Variants in FAM53B observed in about 807,000 individuals in gnomAD.
The protein encoded by FAM53B is protein FAM53B.
In FAM53B, 12 loss-of-function variants were observed where a neutral mutation model predicts 32.7. The ratio of observed to expected loss-of-function variants is 0.37; its 90% CI spans 0.24 to 0.59. FAM53B has a LOEUF of 0.59. Among genes scored for constraint, FAM53B ranks in the 20% least tolerant of loss-of-function variants. The probability of loss-of-function intolerance (pLI) is 0.72; values close to 1 mark genes in which losing one functional copy is unlikely to be tolerated. For synonymous variants in FAM53B, 234 were observed against 228.7 expected (o/e 1.02, Z -0.21); for missense variants, 477 against 577.7 (o/e 0.83, Z 1.79).
intron 1 of FAM53B, among the ~76,000 whole-genome samples, chr10:124,715,507 C>T (rs1294623789): frequency 2.0e-5 from 3 of 152,214 alleles, no homozygotes; most frequent in African/African-American, 7.2e-5. Flanking sequence ...ATGCCTCCCC[C>T]ACTGCCACCC....
intron 4 of FAM53B, among the ~76,000 whole-genome samples, chr10:124,637,110 CA>C (rs964740679): frequency 2.1e-4 from 32 of 152,248 alleles, no homozygotes; most frequent in African/African-American, 7.7e-4. Flanking sequence ...CCCTTTCTGA[CA>C]AAATGCTCCC....
chr10:124,623,821 T>C, intron 4 of FAM53B: 1 of 534,672 alleles, frequency 1.9e-6, no homozygotes, highest in South Asian at 2.5e-5. Context: ...CACGCGCAAT[T>C]CCACTATTCA....
chr10:124,674,432 G>C (rs1390896874), intron 4 of FAM53B, among the ~76,000 whole-genome samples: 1 of 152,170 alleles, frequency 6.6e-6, no homozygotes, highest in African/African-American at 2.4e-5. Context: ...AGTGAGAGAG[G>C]GTGTCGCCAC....
At chr10:124,623,814 G>A (rs948520877) in intron 4 of FAM53B, 12 of 546,484 alleles carry the variant, frequency 2.2e-5, no homozygotes, top group African/African-American at 1.4e-4. Context: ...ATAAAGACAC[G>A]CGCAATTCCA....
intron 4 of FAM53B, among the ~76,000 whole-genome samples, chr10:124,679,239 A>T (rs1589748209): frequency 6.6e-6 from 1 of 151,852 alleles, no homozygotes; most frequent in Non-Finnish European, 1.5e-5. Context: ...TGCAGAGCAG[A>T]CCCCAACCCC....
intron 1 of FAM53B, among the ~76,000 whole-genome samples, chr10:124,721,316 C>A (rs1008054635): frequency 6.6e-6 from 1 of 152,246 alleles, no homozygotes. Context: ...GACTCTTACT[C>A]GCTTCAATTA....
chr10:124,687,864 C>T (rs905133595), intron 3 of FAM53B, among the ~76,000 whole-genome samples: 18 of 152,174 alleles, frequency 1.2e-4, no homozygotes, highest in Admixed American at 2.6e-4. Context: ...AACATCTGTC[C>T]GAATGGCGGC....
In FAM53B at chr10:124,682,271, C is replaced by T. The variant is rs140662280; in HGVS notation, c.242G>A (p.Arg81Gln). ...CACAGCGCAGGCGGTCACTGCCTCC[C>T]GGTGCCATAGTGAGCTGTCCTTTTC... ...LPEKDSSLWHREAVTACAVTS... is the reference protein window; with the variant it reads ...LPEKDSSLWHQEAVTACAVTS... Residue 81 changes from arginine to glutamine, a missense_variant, in exon 4 of 5, where the codon CGG (arginine) becomes CAG (glutamine). By Grantham distance (43) the Arg-to-Gln change is conservative (BLOSUM62 1). Transcript: ENST00000337318. This position sits in a 1 kb window ranked among gnomAD's most constrained non-coding sequence, Gnocchi z 5.2. The T allele has an allele frequency of 2.4e-5, 39 of 1,613,874 alleles. No homozygotes were observed. The highest frequency in any genetic ancestry group is 8.0e-5 in the African/African-American group (6 of 74,912).
At chr10:124,666,921 A>G (rs1029349570) in intron 4 of FAM53B, among the ~76,000 whole-genome samples, 1 of 152,218 alleles carries the variant, frequency 6.6e-6, no homozygotes, top group African/African-American at 2.4e-5. Context: ...CAGAGCACCT[A>G]GCACCTCAGG....
intron 1 of FAM53B, among the ~76,000 whole-genome samples, chr10:124,729,869 C>G (rs1219492622): frequency 1.3e-5 from 2 of 152,222 alleles, no homozygotes; most frequent in Non-Finnish European, 2.9e-5. Context: ...TCTACGCCCT[C>G]CATATTTGCC....
At chr10:124,735,763 C>G (rs1367624357) in intron 1 of FAM53B, among the ~76,000 whole-genome samples, 8 of 136,798 alleles carry the variant, frequency 5.8e-5, no homozygotes, top group Admixed American at 5.8e-4. Flanking sequence ...TCACTCAGGG[C>G]CCCGAACCTA....
At chr10:124,680,364 A>G (rs1203736230) in intron 4 of FAM53B, among the ~76,000 whole-genome samples, 2 of 152,220 alleles carry the variant, frequency 1.3e-5, no homozygotes, top group Non-Finnish European at 2.9e-5. Context: ...GTGGCCAGAA[A>G]GTTTGGACTC....
At chr10:124,661,629 C>T (rs534522328) in intron 4 of FAM53B, among the ~76,000 whole-genome samples, 3 of 152,312 alleles carry the variant, frequency 2.0e-5, no homozygotes, top group Admixed American at 6.5e-5. Context: ...GGGAAGGGAC[C>T]TTTTACTGTC....
At chr10:124,715,360 A>G (rs563345804) in intron 1 of FAM53B, among the ~76,000 whole-genome samples, 36 of 152,272 alleles carry the variant, frequency 2.4e-4, no homozygotes, top group African/African-American at 7.9e-4. Flanking sequence ...ATGGTGGGTA[A>G]CCTGCAGAGG....
chr10:124,690,027 G>A (rs1949824066), intron 3 of FAM53B, among the ~76,000 whole-genome samples: 1 of 152,220 alleles, frequency 6.6e-6, no homozygotes, highest in Admixed American at 6.5e-5. Flanking sequence ...ATCTCCTCTG[G>A]ATTTCCATCC....
intron 4 of FAM53B, among the ~76,000 whole-genome samples, chr10:124,626,906 C>G (rs1433796074): frequency 6.6e-6 from 1 of 152,228 alleles, no homozygotes; most frequent in Admixed American, 6.5e-5. Flanking sequence ...TCAGGGTGTT[C>G]AGGGCTATCT....
intron 4 of FAM53B, among the ~76,000 whole-genome samples, chr10:124,663,114 C>T (rs1949645149): frequency 6.6e-6 from 1 of 152,116 alleles, no homozygotes; most frequent in South Asian, 2.1e-4. Context: ...GAGTGTGGAC[C>T]CCAGAAGACC....
intron 1 of FAM53B, among the ~76,000 whole-genome samples, chr10:124,717,010 T>C (rs1354453860): frequency 6.6e-6 from 1 of 151,660 alleles, no homozygotes; most frequent in Non-Finnish European, 1.5e-5. Context: ...ACTCAAACCA[T>C]GACTAAAAAC....
intron 1 of FAM53B, among the ~76,000 whole-genome samples, chr10:124,726,366 T>C (rs976472564): frequency 6.6e-6 from 1 of 152,062 alleles, no homozygotes; most frequent in Non-Finnish European, 1.5e-5. Context: ...GCTCCAACAG[T>C]CCCTAGAATG....
Sources: gnomAD v4.1 joint callset for allele counts (sites outside exome capture counted in the v4.1 genomes callset) on GRCh38, gnomAD v4.1.1 for gene constraint, Gnocchi (gnomAD v3.1) non-coding constraint, MANE v1.5 for transcripts, NCBI Gene and HGNC (gene_info 2026-07-23, HGNC 2026-07-21) for gene names.